Variants in MMD observed in about 807,000 individuals in gnomAD.
The protein encoded by MMD is monocyte to macrophage differentiation associated.
Under a neutral mutation model 33.6 loss-of-function variants are expected in MMD, and 22 were observed. The observed-to-expected ratio is 0.66, with a 90% confidence interval of 0.47 to 0.94. MMD has a LOEUF of 0.94. Ranked by LOEUF, MMD falls within the 40% of genes least tolerant of loss-of-function variation. The probability of loss-of-function intolerance (pLI) is 0.00; values close to 1 mark genes in which losing one functional copy is unlikely to be tolerated. For missense variants in MMD, 242 were observed against 309.8 expected (o/e 0.78, Z 1.64); for synonymous variants, 97 against 103.2 (o/e 0.94, Z 0.36).
chr17:55,394,749 GC>G (rs1401674210), intron 6 of MMD, among the ~76,000 whole-genome samples: 27 of 152,208 alleles, frequency 1.8e-4, no homozygotes, highest in Admixed American at 1.8e-3. Context: ...AGTTGAGCAA[GC>G]AATCACATTA....
rs972733052 is a variant in MMD, at chr17:55,394,235, A to G, written c.*99T>C. 6 of 828,484 alleles carry G rather than the reference A, an allele frequency of 7.2e-6. No homozygotes were observed. 51.3% of individuals were successfully genotyped at this position (828,484 alleles called of 1,614,324 possible). On this transcript the variant is annotated 3_prime_UTR_variant, in exon 7 of 7. Transcript: ENST00000262065. ...TATTCAAAAGATATAAAGTCAGTGC[A>G]GTTATTTTTTTTCTTTCCCTGTGCA...
chr17:55,403,593 A>G (rs1907429771), intron 5 of MMD, among the ~76,000 whole-genome samples, 174 bp downstream of exon 5: 1 of 152,226 alleles, frequency 6.6e-6, no homozygotes, highest in Non-Finnish European at 1.5e-5. Context: ...TTCCACAGCA[A>G]TCTTTCCACT....
chr17:55,419,169 C>G (rs1297774999), intron 1 of MMD, among the ~76,000 whole-genome samples: 2 of 152,204 alleles, frequency 1.3e-5, no homozygotes, highest in Admixed American at 6.5e-5. Context: ...ACATTTATGT[C>G]TTCCAGAGTT....
intron 5 of MMD, 94 bp from the exon 6 acceptor site, chr17:55,401,632 A>C (rs1907334403): frequency 9.7e-7 from 1 of 1,025,940 alleles, no homozygotes; most frequent in African/African-American, 1.6e-5. Context: ...TTTGAGAAAG[A>C]AATGTAAACT....
chr17:55,416,237 A>G (rs995706110), intron 1 of MMD, among the ~76,000 whole-genome samples: 2 of 152,232 alleles, frequency 1.3e-5, no homozygotes, highest in African/African-American at 4.8e-5. Context: ...TAAAATAGCA[A>G]TTTATATCTC....
intron 3 of MMD, among the ~76,000 whole-genome samples, chr17:55,408,137 C>T (rs1038812624): frequency 3.3e-5 from 5 of 152,134 alleles, no homozygotes; most frequent in African/African-American, 1.2e-4. Context: ...TGATGTTTTC[C>T]ATTTCTTTTG....
intron 6 of MMD, 60 bp from the exon 7 acceptor site, chr17:55,394,594 G>A: frequency 7.8e-7 from 1 of 1,282,978 alleles, no homozygotes; most frequent in Non-Finnish European, 1.0e-6. Flanking sequence ...GCAAGCTACA[G>A]ATAACTGTAA....
Position 55,392,873 on chromosome 17 carries a change from C to T in MMD, c.*1461G>A, listed in dbSNP as rs1460053765. 1 of 152,118 alleles carries T rather than the reference C, an allele frequency of 6.6e-6. No homozygotes were observed. The highest frequency in any genetic ancestry group is 2.4e-5 in the African/African-American group (1 of 41,420). The allele number at this position is 152,118 out of a possible 1,614,324, so 9.4% of individuals were successfully genotyped here. ...AATACCACTTCTTCTGTTTCTCATT[C>T]CCATATAATTCATCAAAATCAGAGA... On this transcript the variant is annotated 3_prime_UTR_variant, in exon 7 of 7. Coordinates refer to ENST00000262065, the MANE Select transcript of MMD (RefSeq NM_012329.3).
chr17:55,395,256 C>G (rs897326769), intron 6 of MMD, among the ~76,000 whole-genome samples: 1 of 152,186 alleles, frequency 6.6e-6, no homozygotes, highest in African/African-American at 2.4e-5. Flanking sequence ...CAAGGCCCAT[C>G]TACAAGATTA....
intron 5 of MMD, among the ~76,000 whole-genome samples, chr17:55,403,404 A>G (rs936825217): frequency 6.6e-6 from 1 of 152,126 alleles, no homozygotes; most frequent in African/African-American, 2.4e-5. Flanking sequence ...CTTAATATCT[A>G]TTCTCTCCAA....
chr17:55,413,247 T>C (rs1907831121), intron 2 of MMD, among the ~76,000 whole-genome samples: 1 of 152,224 alleles, frequency 6.6e-6, no homozygotes, highest in Non-Finnish European at 1.5e-5. Context: ...CAAACACTCA[T>C]TGTTAAAGAA....
intron 2 of MMD, 103 bp from the exon 3 acceptor site, chr17:55,411,520 T>C: frequency 7.7e-7 from 1 of 1,299,544 alleles, no homozygotes; most frequent in South Asian, 1.5e-5. Flanking sequence ...TTTAGTAAAA[T>C]AATCTTAGAG....
chr17:55,411,862 A>G (rs921789410), intron 2 of MMD, among the ~76,000 whole-genome samples: 3 of 152,180 alleles, frequency 2.0e-5, no homozygotes, highest in African/African-American at 7.2e-5. Flanking sequence ...GAATCGCTTG[A>G]GCCCTGGAGT....
At position 55,421,516 on chromosome 17, in the gene MMD, G is replaced by C. The variant is rs535004403; in HGVS notation, c.26+154C>G. Reference sequence around the variant, plus strand: ...GGAAGGGGATCGCCCAGGGACAGCAGGGTGGGGAATCCCCAGGGAACTGAT... The same window carrying C: ...GGAAGGGGATCGCCCAGGGACAGCACGGTGGGGAATCCCCAGGGAACTGAT... On this transcript the variant is annotated intron_variant, in intron 1 of 6. Coordinates refer to ENST00000262065, the MANE Select transcript of MMD (RefSeq NM_012329.3). Among the ~76,000 whole-genome samples, 4 of 152,348 alleles carry C rather than the reference G, an allele frequency of 2.6e-5. No homozygotes were observed. In the East Asian group the frequency reaches 7.7e-4, roughly 29 times the overall value.
Position 55,394,526 on chromosome 17 carries a change from G to A in MMD, c.525C>T (p.Thr175=), listed in dbSNP as rs368712836. 84 of 1,499,858 alleles carry A rather than the reference G, an allele frequency of 5.6e-5. No homozygotes were observed. The highest frequency in any genetic ancestry group is 6.5e-5 in the Non-Finnish European group (74 of 1,130,260). 92.9% of individuals were successfully genotyped at this position (1,499,858 alleles called of 1,614,324 possible). The part of the protein sequence containing the change: ...PALVVTSMNN[T]DGLQELACGG... ...CACAGGCAAGTTCCTGAAGTCCATC[G>A]GTGTTGTTCTGTCAACAGAGAAAAA... Residue 175 remains threonine (T), a synonymous_variant, in exon 7 of 7, where the codon ACC becomes ACT. Transcript: ENST00000262065.
At chr17:55,404,442 A>T (rs2143133468) in intron 4 of MMD, 2 of 980,802 alleles carry the variant, frequency 2.0e-6, no homozygotes, top group South Asian at 4.7e-5. Context: ...CACTCTTATG[A>T]CGCCTAACTT....
At chr17:55,397,197 C>T (rs1040425195) in intron 6 of MMD, among the ~76,000 whole-genome samples, 3 of 151,800 alleles carry the variant, frequency 2.0e-5, no homozygotes, top group Non-Finnish European at 2.9e-5. Flanking sequence ...CATCTTGCTC[C>T]GTTGCCCAGG....
chr17:55,397,567 T>C (rs1360767683), intron 6 of MMD, among the ~76,000 whole-genome samples: 1 of 149,052 alleles, frequency 6.7e-6, no homozygotes, highest in African/African-American at 2.5e-5. Flanking sequence ...TGTTGTTGCC[T>C]AGGCTGGAGT....
In MMD at chr17:55,394,053, T is replaced by A. The variant is rs1300525101; in HGVS notation, c.*281A>T. On this transcript the variant is annotated 3_prime_UTR_variant, in exon 7 of 7. Coordinates refer to ENST00000262065, the MANE Select transcript of MMD (RefSeq NM_012329.3). ...AATCATGTAGTAAAATCTGTAAAAT[T>A]AAAATATAAAAGTCTGGTTTGTAAA... 4 of 234,112 alleles carry A rather than the reference T, an allele frequency of 1.7e-5. No homozygotes were observed. The highest frequency in any genetic ancestry group is 2.4e-5 in the Non-Finnish European group (3 of 122,546). The allele number at this position is 234,112 out of a possible 1,614,324, so 14.5% of individuals were successfully genotyped here.
Sources: gnomAD v4.1 joint callset for allele counts (sites outside exome capture counted in the v4.1 genomes callset) on GRCh38, gnomAD v4.1.1 for gene constraint, MANE v1.5 for transcripts, NCBI Gene and HGNC (gene_info 2026-07-23, HGNC 2026-07-21) for gene names.